GALNT13: variants seen among roughly 807,000 people sequenced by gnomAD.
GALNT13 encodes polypeptide N-acetylgalactosaminyltransferase 13.
A neutral mutation model predicts 64.2 loss-of-function variants in GALNT13; 28 were observed. The observed-to-expected ratio is 0.44, with a 90% CI of 0.32 to 0.60. The LOEUF (loss-of-function observed/expected upper bound fraction) is 0.60. Among genes scored for constraint, GALNT13 ranks in the 20% least tolerant of loss-of-function variants. The pLI is 0.05. For synonymous variants in GALNT13, 214 were observed against 224.6 expected (o/e 0.95, Z 0.42); for missense variants, 577 against 669.8 (o/e 0.86, Z 1.53).
chr2:154,424,694 C>A (rs546184991), intron 11 of GALNT13, among the ~76,000 whole-genome samples: 1 of 152,178 alleles, frequency 6.6e-6, no homozygotes, highest in Non-Finnish European at 1.5e-5. Flanking sequence ...CACTGGTTGC[C>A]AGGGATCCCC....
the GALNT13 span, among the ~76,000 whole-genome samples, chr2:153,861,559 C>CTT: frequency 4.3e-3 from 510 of 118,054 alleles, 10 homozygotes; most frequent in African/African-American, 0.016. Context: ...TTCTTTCTTT[C>CTT]TTTTTTTTTT....
At chr2:153,938,809 C>T (rs1691131810) in intron 2 of GALNT13, among the ~76,000 whole-genome samples, 1 of 152,132 alleles carries the variant, frequency 6.6e-6, no homozygotes, top group Admixed American at 6.6e-5. Context: ...ACCCATCACA[C>T]TTCATTTTGT....
chr2:153,745,776 A>T, the GALNT13 span, among the ~76,000 whole-genome samples: 1 of 152,126 alleles, frequency 6.6e-6, no homozygotes, highest in Non-Finnish European at 1.5e-5. Flanking sequence ...ACTGGAGTGC[A>T]GTGAGGCAAA....
the GALNT13 span, chr2:153,477,637 C>T: frequency 6.7e-6 from 1 of 149,398 alleles, no homozygotes; most frequent in Admixed American, 6.7e-5. Flanking sequence ...AAACAGGCCA[C>T]TGGGGCAGAA....
At chr2:154,422,070 G>A (rs759868189) in intron 11 of GALNT13, among the ~76,000 whole-genome samples, 1 of 152,086 alleles carries the variant, frequency 6.6e-6, no homozygotes, top group Non-Finnish European at 1.5e-5. Context: ...GGAATTGAAA[G>A]TCTGGAGTGG....
At chr2:154,382,373 C>A (rs769882096) in intron 9 of GALNT13, among the ~76,000 whole-genome samples, 1 of 151,970 alleles carries the variant, frequency 6.6e-6, no homozygotes, top group Admixed American at 6.6e-5. Context: ...TGAATGTTAC[C>A]CTTATTTAGT....
chr2:153,257,886 C>T, the GALNT13 span, among the ~76,000 whole-genome samples: 13 of 152,162 alleles, frequency 8.5e-5, no homozygotes, highest in Non-Finnish European at 5.9e-5. Context: ...TTTAATGAAT[C>T]AAACTTGACT....
chr2:153,071,010 G>A, the GALNT13 span, among the ~76,000 whole-genome samples: 1 of 152,002 alleles, frequency 6.6e-6, no homozygotes, highest in Non-Finnish European at 1.5e-5. Flanking sequence ...TAGCCTATAG[G>A]CATTTTAACA....
chr2:153,191,108 T>C, the GALNT13 span, among the ~76,000 whole-genome samples: 1 of 152,096 alleles, frequency 6.6e-6, no homozygotes, highest in Non-Finnish European at 1.5e-5. Flanking sequence ...TCCAGTACTG[T>C]ATTGACTAGG....
At chr2:153,519,247 T>C in the GALNT13 span, among the ~76,000 whole-genome samples, 14 of 152,202 alleles carry the variant, frequency 9.2e-5, no homozygotes, top group African/African-American at 3.4e-4. Context: ...ATAATGTTTA[T>C]TACAAATTTT....
chr2:154,450,826 T>C lies in GALNT13; in HGVS notation c.*275T>C. ...ATTGTGTTTGCTTTAAGAAAAATGT[T>C]TATTGCACTCATGTCATAGGGTTAA... On this transcript the variant is annotated 3_prime_UTR_variant, in exon 13 of 13. Coordinates refer to ENST00000392825, the MANE Select transcript of GALNT13 (RefSeq NM_052917.4). The C allele has an allele frequency of 3.5e-6, 1 of 288,864 alleles. No individual in the cohort carries two copies. Among genetic ancestry groups the C allele is most frequent in the Admixed American group, 4.7e-5 (1 of 21,318 alleles). The allele number at this position is 288,864 out of a possible 1,614,324, so 17.9% of individuals were successfully genotyped here.
chr2:153,244,717 G>A, the GALNT13 span, among the ~76,000 whole-genome samples: 1 of 152,184 alleles, frequency 6.6e-6, no homozygotes, highest in Admixed American at 6.5e-5. Flanking sequence ...CAGCCACCCA[G>A]TTTTGTGCTT....
At chr2:153,847,792 A>G in the GALNT13 span, among the ~76,000 whole-genome samples, 1 of 152,224 alleles carries the variant, frequency 6.6e-6, no homozygotes, top group Admixed American at 6.5e-5. Flanking sequence ...CCTTAATTCA[A>G]CAATGTATTG....
At chr2:154,169,523 G>A (rs1355093243) in intron 4 of GALNT13, among the ~76,000 whole-genome samples, 1 of 152,104 alleles carries the variant, frequency 6.6e-6, no homozygotes, top group Non-Finnish European at 1.5e-5. Flanking sequence ...CCTATGGAGG[G>A]TTTTGAGAAT....
intron 4 of GALNT13, among the ~76,000 whole-genome samples, chr2:154,203,653 A>C (rs1687289812): frequency 1.3e-5 from 2 of 152,162 alleles, no homozygotes; most frequent in Admixed American, 1.3e-4. Flanking sequence ...AGCAAATGAC[A>C]ACTCCTTGCA....
chr2:153,295,144 A>G, the GALNT13 span, among the ~76,000 whole-genome samples: 1 of 152,134 alleles, frequency 6.6e-6, no homozygotes, highest in Admixed American at 6.5e-5. Flanking sequence ...TGAATATTTC[A>G]GAGGATGGAA....
the GALNT13 span, among the ~76,000 whole-genome samples, chr2:153,699,714 C>T: frequency 7.2e-5 from 11 of 152,140 alleles, no homozygotes; most frequent in Non-Finnish European, 1.6e-4. Context: ...CTAGAAACAC[C>T]TCTATGCAAA....
the GALNT13 span, among the ~76,000 whole-genome samples, chr2:153,071,373 A>T: frequency 2.0e-5 from 3 of 152,134 alleles, no homozygotes; most frequent in Non-Finnish European, 4.4e-5. Context: ...TTCACTTTTA[A>T]TTTGAATCAG....
chr2:154,211,393 G>A (rs1164463051), intron 4 of GALNT13, among the ~76,000 whole-genome samples: 10 of 151,860 alleles, frequency 6.6e-5, no homozygotes, highest in African/African-American at 2.2e-4. Context: ...TTGGAAGGCC[G>A]AGGTGGGCAG....
Sources: gnomAD v4.1 joint callset for allele counts (sites outside exome capture counted in the v4.1 genomes callset) on GRCh38, gnomAD v4.1.1 for gene constraint, MANE v1.5 for transcripts, NCBI Gene and HGNC (gene_info 2026-07-23, HGNC 2026-07-21) for gene names.